Variants in STK38L observed in about 807,000 individuals in gnomAD.
STK38L encodes the protein serine/threonine kinase 38 like.
Under a neutral mutation model 59.7 loss-of-function variants are expected in STK38L, and 28 were observed. The observed-to-expected ratio is 0.47, with a 90% CI of 0.35 to 0.64. The LOEUF (loss-of-function observed/expected upper bound fraction) is 0.64. STK38L is among the 30% of genes least tolerant of loss of function. The probability of loss-of-function intolerance (pLI) is 0.01; values close to 1 mark genes in which losing one functional copy is unlikely to be tolerated. For missense variants in STK38L, 314 were observed against 555.8 expected (o/e 0.56, Z 4.37); for synonymous variants, 162 against 176.8 (o/e 0.92, Z 0.66).
intron 1 of STK38L, among the ~76,000 whole-genome samples, chr12:27,245,318 A>T (rs1047178647): frequency 6.6e-6 from 1 of 152,196 alleles, no homozygotes; most frequent in Non-Finnish European, 1.5e-5. Flanking sequence ...TTAATCGGAA[A>T]TGGCCTATTA....
chr12:27,294,121 T>C (rs539184392), intron 1 of STK38L, among the ~76,000 whole-genome samples: 1 of 152,244 alleles, frequency 6.6e-6, no homozygotes, highest in African/African-American at 2.4e-5. Context: ...GAGAACTATC[T>C]ATGAACTGCA....
chr12:27,312,058 TTTAG>T (rs2136647671), intron 5 of STK38L, among the ~76,000 whole-genome samples: 1 of 152,266 alleles, frequency 6.6e-6, no homozygotes, highest in South Asian at 2.1e-4. Flanking sequence ...TTTTTGTATG[TTTAG>T]TAGAGACGGG....
intron 9 of STK38L, among the ~76,000 whole-genome samples, chr12:27,316,993 T>C (rs1944600994): frequency 6.6e-6 from 1 of 152,188 alleles, no homozygotes; most frequent in African/African-American, 2.4e-5. Flanking sequence ...GAAGGCTATA[T>C]ATATAAATAA....
intron 1 of STK38L, among the ~76,000 whole-genome samples, chr12:27,286,860 A>T (rs1591894456): frequency 1.3e-5 from 2 of 152,166 alleles, no homozygotes; most frequent in East Asian, 3.9e-4. Context: ...TTCCCCTTAT[A>T]TTGTGACTAC....
chr12:27,293,125 A>G (rs765711015), intron 1 of STK38L, among the ~76,000 whole-genome samples: 19 of 152,084 alleles, frequency 1.2e-4, no homozygotes, highest in Non-Finnish European at 2.5e-4. Flanking sequence ...CTCTATTTTT[A>G]TACGGTTAAT....
intron 1 of STK38L, 133 bp from the exon 2 acceptor site, chr12:27,297,577 A>C (rs1335584055): frequency 1.2e-6 from 1 of 848,472 alleles, no homozygotes; most frequent in Admixed American, 3.1e-5. Context: ...ATTATTTATA[A>C]TGTGAAATAC....
chr12:27,279,350 T>C (rs1380260403), intron 1 of STK38L, among the ~76,000 whole-genome samples: 1 of 152,178 alleles, frequency 6.6e-6, no homozygotes, highest in East Asian at 1.9e-4. Flanking sequence ...AGTCTCAAAA[T>C]GGACTGTTTC....
At chr12:27,290,646 A>G (rs890224429) in intron 1 of STK38L, among the ~76,000 whole-genome samples, 4 of 152,170 alleles carry the variant, frequency 2.6e-5, no homozygotes, top group Admixed American at 2.6e-4. Flanking sequence ...TGTAATCTCA[A>G]ATGTGCTGTA....
chr12:27,318,146 AGG>A, intron 11 of STK38L, 127 bp downstream of exon 11: 1 of 1,184,844 alleles, frequency 8.4e-7, no homozygotes. Flanking sequence ...AGATCAATAA[AGG>A]TGTTTTTAAA....
chr12:27,255,971 G>A (rs2136605374), intron 1 of STK38L, among the ~76,000 whole-genome samples: 1 of 152,256 alleles, frequency 6.6e-6, no homozygotes, highest in East Asian at 1.9e-4. Flanking sequence ...AGCTTTCCCA[G>A]TGCATGGCGT....
intron 1 of STK38L, among the ~76,000 whole-genome samples, chr12:27,257,864 C>T (rs944754427): frequency 7.1e-6 from 1 of 140,640 alleles, no homozygotes; most frequent in Non-Finnish European, 1.5e-5. Flanking sequence ...TTATGTCAAG[C>T]TTTTTTTTTT....
At chr12:27,255,016 C>T (rs1011170839) in intron 1 of STK38L, among the ~76,000 whole-genome samples, 1 of 152,078 alleles carries the variant, frequency 6.6e-6, no homozygotes, top group African/African-American at 2.4e-5. Context: ...GTATATGGAC[C>T]AGTGTCTCTT....
chr12:27,292,407 C>G (rs1168406516), intron 1 of STK38L, among the ~76,000 whole-genome samples: 2 of 152,140 alleles, frequency 1.3e-5, no homozygotes, highest in Non-Finnish European at 2.9e-5. Flanking sequence ...TAAAGCTAAA[C>G]TATACAAGAT....
intron 1 of STK38L, among the ~76,000 whole-genome samples, chr12:27,288,032 A>T (rs1353454210): frequency 1.3e-5 from 2 of 152,060 alleles, no homozygotes; most frequent in Admixed American, 6.6e-5. Context: ...ACAGGTGTGC[A>T]CCACCATGCC....
intron 1 of STK38L, among the ~76,000 whole-genome samples, chr12:27,287,370 A>G (rs1286308600): frequency 1.3e-5 from 2 of 152,158 alleles, no homozygotes. Context: ...TCAGCCTCTC[A>G]AAGTGCTGGG....
Position 27,322,529 on chromosome 12 carries a change from A to G in STK38L, c.*74A>G. 1 of 1,533,732 alleles carries G rather than the reference A, an allele frequency of 6.5e-7. No homozygotes were observed. Among genetic ancestry groups the G allele is most frequent in the Non-Finnish European group, 8.8e-7 (1 of 1,142,024 alleles). On this transcript the variant is annotated 3_prime_UTR_variant, in exon 14 of 14. Coordinates refer to ENST00000389032, the MANE Select transcript of STK38L (RefSeq NM_015000.4). ...ACCAGGCTTGCTTGGCGTAGATAAC[A>G]ATACACTGAAATACTCCTGAAGATG...
chr12:27,306,508 A>G (rs986918021), intron 3 of STK38L, among the ~76,000 whole-genome samples: 2 of 152,042 alleles, frequency 1.3e-5, no homozygotes, highest in African/African-American at 4.8e-5. Context: ...TTCAAAAGGT[A>G]TTTTTGAACA....
At position 27,248,534 on chromosome 12, in the gene STK38L, C is replaced by A. The variant is rs113109160; in HGVS notation, c.-12+4202C>A. On this transcript the variant is annotated intron_variant, in intron 1 of 13. Coordinates refer to ENST00000389032, the MANE Select transcript of STK38L (RefSeq NM_015000.4). ...AAGTATACCTAGGCAGGGAATACAGCAGGTGAGCGGTGGGAGAGGTATTGC... is the reference window on the plus strand; with the variant it reads ...AAGTATACCTAGGCAGGGAATACAGAAGGTGAGCGGTGGGAGAGGTATTGC... 2.6e-3 allele frequency among the ~76,000 whole-genome samples: 389 copies of A among 152,300 alleles called. 1 individual carries two copies. Among genetic ancestry groups the A allele is most frequent in the African/African-American group, 9.1e-3 (379 of 41,556 alleles).
intron 8 of STK38L, 51 bp from the exon 9 acceptor site, chr12:27,315,238 T>C (rs751283840): frequency 6.2e-7 from 1 of 1,602,342 alleles, no homozygotes; most frequent in Non-Finnish European, 8.6e-7. Context: ...ATTTTCTTTT[T>C]GTGGAGAGCA....
Sources: gnomAD v4.1 joint callset for allele counts (sites outside exome capture counted in the v4.1 genomes callset) on GRCh38, gnomAD v4.1.1 for gene constraint, MANE v1.5 for transcripts, NCBI Gene and HGNC (gene_info 2026-07-23, HGNC 2026-07-21) for gene names.